The following MPHOSPH9 variants were observed in gnomAD, a reference collection of about 807,000 sequenced individuals.
The protein encoded by MPHOSPH9 is M-phase phosphoprotein 9.
A neutral mutation model predicts 145.5 loss-of-function variants in MPHOSPH9; 88 were observed. The observed-to-expected ratio is 0.60, with a 90% CI of 0.51 to 0.72. The LOEUF (loss-of-function observed/expected upper bound fraction) is 0.72, where lower values mean the gene tolerates loss of function less well. Ranked by LOEUF, MPHOSPH9 falls within the 30% of genes least tolerant of loss-of-function variation. MPHOSPH9 has a pLI of 0.00. For missense variants in MPHOSPH9, 1,238 were observed against 1,386.6 expected (o/e 0.89, Z 1.70); for synonymous variants, 435 against 486.2 (o/e 0.89, Z 1.39).
intron 13 of MPHOSPH9, among the ~76,000 whole-genome samples, chr12:123,192,307 A>G (rs954134833): frequency 2.6e-5 from 4 of 152,006 alleles, no homozygotes; most frequent in African/African-American, 9.6e-5. Flanking sequence ...TACAAAAATT[A>G]GCCAAGTGTG....
chr12:123,199,610 C>T (rs1053100808), intron 11 of MPHOSPH9, among the ~76,000 whole-genome samples: 2 of 151,688 alleles, frequency 1.3e-5, no homozygotes, highest in African/African-American at 2.4e-5. Context: ...CTGGATAATA[C>T]GGTGAAACCC....
Position 123,202,146 on chromosome 12 carries a change from C to G in MPHOSPH9, c.1937+18G>C. 6.3e-7 allele frequency: 1 copy of G among 1,589,802 alleles called. No homozygotes were observed. On this transcript the variant is annotated intron_variant, in intron 11 of 23. Coordinates refer to ENST00000606320, the MANE Select transcript of MPHOSPH9 (RefSeq NM_022782.4). The stretch of plus-strand genomic sequence containing the variant: ...ATCCAAGGTGGAGAAAACTTCACAG[C>G]TAAATTATAAATTTTACCTGTCTAC...
At chr12:123,185,998 G>A (rs183520038) in intron 13 of MPHOSPH9, among the ~76,000 whole-genome samples, 5 of 152,020 alleles carry the variant, frequency 3.3e-5, no homozygotes, top group Non-Finnish European at 2.9e-5. Flanking sequence ...AGGCCGAGGC[G>A]GGTGGATCAC....
intron 11 of MPHOSPH9, among the ~76,000 whole-genome samples, chr12:123,199,962 C>T (rs1461690523): frequency 6.6e-6 from 1 of 151,962 alleles, no homozygotes; most frequent in Non-Finnish European, 1.5e-5. Context: ...TGCATTAATG[C>T]GGCACAGACA....
chr12:123,206,998 T>G (rs1349122156), intron 8 of MPHOSPH9, among the ~76,000 whole-genome samples: 1 of 151,860 alleles, frequency 6.6e-6, no homozygotes, highest in Non-Finnish European at 1.5e-5. Context: ...GGGAATCACT[T>G]GAGCCCAGGA....
chr12:123,185,730 A>T (rs2045413573), intron 13 of MPHOSPH9, among the ~76,000 whole-genome samples: 1 of 151,970 alleles, frequency 6.6e-6, no homozygotes, highest in Non-Finnish European at 1.5e-5. Flanking sequence ...TGGGTGACAG[A>T]GTGAGATCCT....
chr12:123,229,441 TA>T (rs762962143), intron 2 of MPHOSPH9, among the ~76,000 whole-genome samples: 1 of 152,238 alleles, frequency 6.6e-6, no homozygotes, highest in Admixed American at 6.5e-5. Context: ...AAATGCATTT[TA>T]AAAAATTAAT....
At chr12:123,186,309 G>A (rs1396748964) in intron 13 of MPHOSPH9, among the ~76,000 whole-genome samples, 1 of 150,996 alleles carries the variant, frequency 6.6e-6, no homozygotes, top group African/African-American at 2.4e-5. Context: ...GTATTTAAGG[G>A]TAAATTATCA....
chr12:123,194,376 C>T lies in MPHOSPH9; in HGVS notation c.2241+10G>A, dbSNP rs1249658175. ...ATCACGTCATTAAGTTACTATTATT[C>T]GCTACTTACATCTTGAAACATTTTG... On this transcript the variant is annotated intron_variant, in intron 13 of 23. Transcript: ENST00000606320. 1.2e-5 allele frequency: 19 copies of T among 1,529,376 alleles called. No homozygotes were observed. Among genetic ancestry groups the T allele is most frequent in the East Asian group, 2.3e-5 (1 of 44,164 alleles). The allele number at this position is 1,529,376 out of a possible 1,614,324, so 94.7% of individuals were successfully genotyped here.
intron 1 of MPHOSPH9, among the ~76,000 whole-genome samples, chr12:123,240,346 T>A (rs1302806109): frequency 5.5e-5 from 8 of 145,950 alleles, no homozygotes; most frequent in African/African-American, 1.8e-4. Flanking sequence ...AGACTCCGTC[T>A]AAAAAAAAAA....
At chr12:123,232,825 C>T (rs2047721163) in intron 1 of MPHOSPH9, 1 of 152,236 alleles carries the variant, frequency 6.6e-6, no homozygotes, top group Non-Finnish European at 1.5e-5. Context: ...ACCCCCCGCC[C>T]CTCAGGAAGA....
chr12:123,227,399 T>C, intron 3 of MPHOSPH9, 64 bp downstream of exon 3: 1 of 1,214,040 alleles, frequency 8.2e-7, no homozygotes, highest in Non-Finnish European at 1.1e-6. Flanking sequence ...TAATTTAGAG[T>C]TTAGTAGAGG....
chr12:123,226,499 T>G (rs1198685108), intron 3 of MPHOSPH9: 1 of 183,712 alleles, frequency 5.4e-6, no homozygotes, highest in Non-Finnish European at 1.1e-5. Flanking sequence ...AGCATTATCC[T>G]ATGAAATAAA....
In MPHOSPH9 at chr12:123,156,106, T is replaced by C. The variant is rs2043856218; in HGVS notation, c.*701A>G. 6.6e-6 allele frequency: 1 copy of C among 152,242 alleles called. No individual in the cohort carries two copies. Among genetic ancestry groups the C allele is most frequent in the South Asian group, 2.1e-4 (1 of 4,832 alleles). 9.4% of individuals were successfully genotyped at this position (152,242 alleles called of 1,614,324 possible). A position where few individuals can be genotyped will look rare whatever the true frequency, so the allele number is the denominator to read the frequency against. On this transcript the variant is annotated 3_prime_UTR_variant, in exon 24 of 24. Coordinates refer to ENST00000606320, the MANE Select transcript of MPHOSPH9 (RefSeq NM_022782.4). ...TAATTCAGAACAATGGGCAGAGAGCTACTCTGAGAGCCCTCCAGAGAGGGC... is the reference window on the plus strand; with the variant it reads ...TAATTCAGAACAATGGGCAGAGAGCCACTCTGAGAGCCCTCCAGAGAGGGC...
intron 16 of MPHOSPH9, 134 bp from the exon 17 acceptor site, chr12:123,166,923 T>G: frequency 1.1e-6 from 1 of 899,848 alleles, no homozygotes; most frequent in Admixed American, 3.3e-5. Flanking sequence ...TGTAACAATC[T>G]ATATTTTGGA....
At position 123,181,360 on chromosome 12, in the gene MPHOSPH9, A is replaced by C; in HGVS notation, c.2242-150T>G. On this transcript the variant is annotated intron_variant, in intron 13 of 23. Coordinates refer to ENST00000606320, the MANE Select transcript of MPHOSPH9 (RefSeq NM_022782.4). The stretch of plus-strand genomic sequence containing the variant: ...AATAGAGAACTGGTGATTCAATGTA[A>C]AGGGAATGGGACAATTCTCAATTTC... The C allele has an allele frequency of 8.0e-6, 5 of 628,690 alleles. No homozygotes were observed. In the South Asian group the frequency reaches 9.7e-5, roughly 12 times the overall value. 38.9% of individuals were successfully genotyped at this position (628,690 alleles called of 1,614,324 possible). A position where few individuals can be genotyped will look rare whatever the true frequency, so the allele number is the denominator to read the frequency against.
At chr12:123,207,998 G>C (rs2046516481) in intron 8 of MPHOSPH9, among the ~76,000 whole-genome samples, 1 of 151,668 alleles carries the variant, frequency 6.6e-6, no homozygotes, top group Non-Finnish European at 1.5e-5. Context: ...CAGCACTCTG[G>C]GAGGCTGATG....
intron 5 of MPHOSPH9, among the ~76,000 whole-genome samples, chr12:123,220,893 A>C (rs1238756642): frequency 6.6e-6 from 1 of 152,108 alleles, no homozygotes; most frequent in African/African-American, 2.4e-5. Flanking sequence ...GTCTCTACTA[A>C]AAATACAAAA....
chr12:123,227,853 AAC>A (rs2047490444), intron 2 of MPHOSPH9, among the ~76,000 whole-genome samples: 1 of 152,228 alleles, frequency 6.6e-6, no homozygotes, highest in African/African-American at 2.4e-5. Flanking sequence ...GAAGTGAGAG[AAC>A]ACTCCAAAGG....
Sources: allele counts gnomAD v4.1 joint callset (sites outside exome capture counted in the v4.1 genomes callset), GRCh38; gene constraint gnomAD v4.1.1; transcripts MANE v1.5; gene names NCBI Gene and HGNC (gene_info 2026-07-23, HGNC 2026-07-21).